The following RHPN2 variants were observed in gnomAD, a reference collection of about 807,000 sequenced individuals.
RHPN2 encodes the protein rhophilin-2.
Under a neutral mutation model 79.0 loss-of-function variants are expected in RHPN2, and 40 were observed. The observed-to-expected ratio is 0.51, with a 90% CI of 0.39 to 0.66. RHPN2 has a LOEUF of 0.66. RHPN2 is among the 30% of genes least tolerant of loss of function. The probability of loss-of-function intolerance (pLI) is 0.00; values close to 1 mark genes in which losing one functional copy is unlikely to be tolerated. For missense variants in RHPN2, 686 were observed against 883.5 expected (o/e 0.78, Z 2.83); for synonymous variants, 285 against 363.5 (o/e 0.78, Z 2.46).
chr19:33,002,556 T>C (rs1971758394), intron 8 of RHPN2, among the ~76,000 whole-genome samples, 153 bp from the exon 9 acceptor site: 1 of 152,188 alleles, frequency 6.6e-6, no homozygotes, highest in African/African-American at 2.4e-5. Context: ...CCCCTCGTTC[T>C]GTCATTGTCA....
At chr19:32,995,331 C>T (rs1269011535) in intron 11 of RHPN2, among the ~76,000 whole-genome samples, 1 of 151,732 alleles carries the variant, frequency 6.6e-6, no homozygotes, top group Non-Finnish European at 1.5e-5. Flanking sequence ...CCTGCCTCGG[C>T]CTCCCAAAGT....
intron 11 of RHPN2, among the ~76,000 whole-genome samples, chr19:32,995,007 GTGT>G (rs1214010774): frequency 6.6e-6 from 1 of 152,132 alleles, no homozygotes; most frequent in Non-Finnish European, 1.5e-5. Context: ...TATGTTTCAA[GTGT>G]TGTTGTTATG....
chr19:33,046,147 A>T (rs1488299889), intron 1 of RHPN2, among the ~76,000 whole-genome samples: 1 of 152,234 alleles, frequency 6.6e-6, no homozygotes, highest in Non-Finnish European at 1.5e-5. Flanking sequence ...TTTGACTATT[A>T]CGAATAAGGC....
At chr19:33,013,162 C>T (rs1391764332) in intron 4 of RHPN2, among the ~76,000 whole-genome samples, 1 of 150,122 alleles carries the variant, frequency 6.7e-6, no homozygotes, top group African/African-American at 2.5e-5. Context: ...AGATGTCAGC[C>T]ACCGTGCCCG....
chr19:33,054,112 C>T lies in RHPN2; in HGVS notation c.70-9748G>A, dbSNP rs565362138. On this transcript the variant is annotated intron_variant, in intron 1 of 14. Transcript: ENST00000254260. ...TCCTGAGCTCATGTGATCTGTCCAC[C>T]GTGGCCTCCTAAAGTGCTGGGATCA... Among the ~76,000 whole-genome samples, 24 of 152,088 alleles carry T rather than the reference C, an allele frequency of 1.6e-4. No individual in the cohort carries two copies. The South Asian group carries it at 4.2e-3, about 26-fold the overall frequency.
At chr19:33,017,392 C>T (rs2049604378) in intron 4 of RHPN2, among the ~76,000 whole-genome samples, 1 of 151,850 alleles carries the variant, frequency 6.6e-6, no homozygotes, top group Admixed American at 6.6e-5. Flanking sequence ...AAAATGCTTA[C>T]ATTCTTGTAG....
chr19:33,001,973 C>T (rs765754199), intron 9 of RHPN2, among the ~76,000 whole-genome samples: 1 of 152,130 alleles, frequency 6.6e-6, no homozygotes, highest in Non-Finnish European at 1.5e-5. Flanking sequence ...CATTTTTGGC[C>T]TTCCCTTAGA....
intron 7 of RHPN2, among the ~76,000 whole-genome samples, chr19:33,006,593 G>A (rs577500397): frequency 1.3e-5 from 2 of 152,302 alleles, no homozygotes; most frequent in East Asian, 1.9e-4. Flanking sequence ...TAGAGCTAGC[G>A]TGGGGAACAC....
intron 2 of RHPN2, among the ~76,000 whole-genome samples, chr19:33,034,142 G>A (rs1467671734): frequency 6.7e-6 from 1 of 149,476 alleles, no homozygotes; most frequent in Non-Finnish European, 1.5e-5. Context: ...ATAGGTGTGA[G>A]CCATCGCGCC....
At chr19:33,010,531 G>A (rs147821228) in intron 6 of RHPN2, among the ~76,000 whole-genome samples, 43 of 150,250 alleles carry the variant, frequency 2.9e-4, no homozygotes, top group African/African-American at 4.2e-4. Context: ...TACAAGGCAC[G>A]CGCAACTATG....
intron 1 of RHPN2, among the ~76,000 whole-genome samples, chr19:33,062,747 G>A (rs1022765896): frequency 8.8e-5 from 13 of 148,452 alleles, no homozygotes; most frequent in African/African-American, 3.0e-4. Context: ...CAGCCTGAGC[G>A]ACAGAGTGAG....
rs374723260 is a variant in RHPN2, at chr19:32,988,971, C to T, written c.1800+1543G>A. 9.7e-4 allele frequency among the ~76,000 whole-genome samples: 147 copies of T among 152,328 alleles called. 4 individuals carry two copies. The highest frequency in any genetic ancestry group is 7.1e-3 in the East Asian group (37 of 5,178). ...GACACCTAAGAGAGTGTCTGGCACC[C>T]AACTGATCCTCAATCAATATTTGTT... On this transcript the variant is annotated intron_variant, in intron 14 of 14. Coordinates refer to ENST00000254260, the MANE Select transcript of RHPN2 (RefSeq NM_033103.5).
At chr19:32,986,022 T>C (rs1971610830) in intron 14 of RHPN2, among the ~76,000 whole-genome samples, 1 of 152,232 alleles carries the variant, frequency 6.6e-6, no homozygotes, top group South Asian at 2.1e-4. Context: ...ATAATGTCTA[T>C]TGTGGATTGA....
intron 9 of RHPN2, among the ~76,000 whole-genome samples, chr19:32,999,986 C>T (rs1971736284): frequency 6.6e-6 from 1 of 152,142 alleles, no homozygotes; most frequent in Admixed American, 6.6e-5. Context: ...CCTCCCACCT[C>T]ACCTCCTGAG....
chr19:33,040,118 A>G (rs532006781), intron 2 of RHPN2, among the ~76,000 whole-genome samples: 1 of 152,174 alleles, frequency 6.6e-6, no homozygotes, highest in African/African-American at 2.4e-5. Context: ...ATCTAGCCCA[A>G]CAACTCTCAG....
At chr19:33,042,050 G>A (rs553467003) in intron 2 of RHPN2, among the ~76,000 whole-genome samples, 1 of 152,178 alleles carries the variant, frequency 6.6e-6, no homozygotes, top group South Asian at 2.1e-4. Context: ...TTAGCCAGGT[G>A]TGCTGGCACG....
At chr19:33,034,754 A>G (rs1972042915) in intron 2 of RHPN2, among the ~76,000 whole-genome samples, 1 of 140,804 alleles carries the variant, frequency 7.1e-6, no homozygotes, top group Admixed American at 7.6e-5. Flanking sequence ...ACTGCACTCC[A>G]GCTTGGGCAA....
intron 1 of RHPN2, among the ~76,000 whole-genome samples, chr19:33,047,692 A>G (rs1972152997): frequency 6.6e-6 from 1 of 152,244 alleles, no homozygotes; most frequent in Middle Eastern, 3.4e-3. Flanking sequence ...GGGAGATGTG[A>G]GTTATCTATA....
intron 2 of RHPN2, among the ~76,000 whole-genome samples, chr19:33,034,783 CAAA>C (rs58456679): frequency 3.9e-5 from 2 of 50,900 alleles, no homozygotes; most frequent in Non-Finnish European, 3.7e-5. Context: ...GACTCCATCT[CAAA>C]AAAAAAAAAA....
Sources: allele counts gnomAD v4.1 joint callset (sites outside exome capture counted in the v4.1 genomes callset), GRCh38; gene constraint gnomAD v4.1.1; transcripts MANE v1.5; gene names NCBI Gene and HGNC (gene_info 2026-07-23, HGNC 2026-07-21).